The following ANKS1B variants were observed in gnomAD, a reference collection of about 807,000 sequenced individuals.
ANKS1B encodes the protein ankyrin repeat and sterile alpha motif domain-containing protein 1B.
In ANKS1B, 36 loss-of-function variants were observed where a neutral mutation model predicts 148.3. The observed-to-expected ratio is 0.24, with a 90% CI of 0.19 to 0.32. The LOEUF is 0.32. Among genes scored for constraint, ANKS1B ranks in the 10% least tolerant of loss-of-function variants. The pLI is 1.00. For missense variants in ANKS1B, 1,157 were observed against 1,542.6 expected, an observed-to-expected ratio of 0.75 and a Z score of 4.19; for synonymous variants, 542 against 560.8, an observed-to-expected ratio of 0.97 and a Z score of 0.47.
chr12:98,914,380 A>T (rs1375035200), intron 17 of ANKS1B, among the ~76,000 whole-genome samples: 1 of 152,176 alleles, frequency 6.6e-6, no homozygotes, highest in African/African-American at 2.4e-5. Context: ...ACCCAGCCTC[A>T]GGCATTTCTT....
intron 17 of ANKS1B, among the ~76,000 whole-genome samples, chr12:98,886,338 T>C (rs2099740074): frequency 6.6e-6 from 1 of 152,212 alleles, no homozygotes; most frequent in African/African-American, 2.4e-5. Context: ...CTTCTGATAG[T>C]TGAATTACTG....
chr12:99,561,185 A>G lies in ANKS1B; in HGVS notation c.1273-56544T>C, dbSNP rs78025286. 5.2e-3 allele frequency among the ~76,000 whole-genome samples: 786 copies of G among 152,284 alleles called. 34 individuals are homozygous for G. The South Asian group carries it at 0.065, about 13-fold the overall frequency. On this transcript the variant is annotated intron_variant, in intron 9 of 26. Transcript: ENST00000683438. Reference sequence around the variant, plus strand: ...ATAAGACAACAATGAACTTTGCCACATTAATTGAATCTTTCTTTCATGAAC... The same window carrying G: ...ATAAGACAACAATGAACTTTGCCACGTTAATTGAATCTTTCTTTCATGAAC...
At chr12:99,028,429 G>C (rs1450607725) in intron 17 of ANKS1B, among the ~76,000 whole-genome samples, 1 of 152,178 alleles carries the variant, frequency 6.6e-6, no homozygotes, top group Non-Finnish European at 1.5e-5. Flanking sequence ...AAAGGACAGT[G>C]TGTTTTTAAA....
intron 12 of ANKS1B, among the ~76,000 whole-genome samples, chr12:99,274,012 T>G (rs987928757): frequency 1.3e-5 from 2 of 152,180 alleles, no homozygotes; most frequent in Non-Finnish European, 2.9e-5. Context: ...GCAATGCCCT[T>G]AGATTCTCAG....
intron 12 of ANKS1B, among the ~76,000 whole-genome samples, chr12:99,378,698 T>C (rs1593456363): frequency 7.0e-6 from 1 of 143,782 alleles, no homozygotes; most frequent in Non-Finnish European, 1.5e-5. Context: ...AAAGAGACAG[T>C]ACAAAATGAA....
At chr12:99,249,508 C>T (rs1468291379) in intron 12 of ANKS1B, among the ~76,000 whole-genome samples, 1 of 152,144 alleles carries the variant, frequency 6.6e-6, no homozygotes, top group Non-Finnish European at 1.5e-5. Context: ...AATAGCAGTT[C>T]TTAGCATTGT....
chr12:99,017,510 G>C (rs1232185439), intron 17 of ANKS1B, among the ~76,000 whole-genome samples: 2 of 152,046 alleles, frequency 1.3e-5, no homozygotes, highest in African/African-American at 4.8e-5. Context: ...ATGTTTTCCA[G>C]ACTGATCCTA....
At chr12:98,977,793 A>G (rs1157875041) in intron 17 of ANKS1B, among the ~76,000 whole-genome samples, 1 of 152,178 alleles carries the variant, frequency 6.6e-6, no homozygotes, top group Non-Finnish European at 1.5e-5. Context: ...AATAAAATTT[A>G]AATATCTGAA....
At chr12:98,788,262 CAAA>C (rs545240585) in intron 22 of ANKS1B, among the ~76,000 whole-genome samples, 1 of 115,406 alleles carries the variant, frequency 8.7e-6, no homozygotes, top group African/African-American at 3.2e-5. Context: ...AGAAAACAGA[CAAA>C]AAAAAAAAAA....
chr12:99,542,787 G>C (rs1231179598), intron 9 of ANKS1B, among the ~76,000 whole-genome samples: 1 of 152,002 alleles, frequency 6.6e-6, no homozygotes, highest in Non-Finnish European at 1.5e-5. Context: ...CTATCCACAT[G>C]CAAAAGAATG....
intron 9 of ANKS1B, among the ~76,000 whole-genome samples, chr12:99,568,240 C>G (rs1425086965): frequency 6.6e-6 from 1 of 152,110 alleles, no homozygotes; most frequent in Non-Finnish European, 1.5e-5. Flanking sequence ...GACTTGCATT[C>G]CTTGGGCTCA....
chr12:99,329,704 T>C (rs2087134206), intron 12 of ANKS1B, among the ~76,000 whole-genome samples: 1 of 151,896 alleles, frequency 6.6e-6, no homozygotes, highest in South Asian at 2.1e-4. Context: ...ATTTCTTATA[T>C]TATTAATAGC....
chr12:99,950,120 T>C (rs1216402984), intron 1 of ANKS1B, among the ~76,000 whole-genome samples: 1 of 144,400 alleles, frequency 6.9e-6, no homozygotes, highest in African/African-American at 2.6e-5. Context: ...TTAATTTTTT[T>C]TTTTTTTTTT....
chr12:99,059,455 T>C (rs139205170), intron 16 of ANKS1B, among the ~76,000 whole-genome samples: 1 of 152,300 alleles, frequency 6.6e-6, no homozygotes, highest in African/African-American at 2.4e-5. Context: ...AAGGTTATCT[T>C]TTTCTGCCTA....
At chr12:99,364,265 C>T (rs547100814) in intron 12 of ANKS1B, among the ~76,000 whole-genome samples, 1 of 136,830 alleles carries the variant, frequency 7.3e-6, no homozygotes, top group African/African-American at 3.0e-5. Flanking sequence ...AGTAGACAAG[C>T]AGTATATATA....
chr12:98,919,883 T>C (rs1290389765), intron 17 of ANKS1B, among the ~76,000 whole-genome samples: 1 of 152,160 alleles, frequency 6.6e-6, no homozygotes, highest in Non-Finnish European at 1.5e-5. Flanking sequence ...GGCAGGGGGA[T>C]ACTCTCAAGA....
chr12:99,010,045 G>C (rs561771840), intron 17 of ANKS1B, among the ~76,000 whole-genome samples: 2 of 152,214 alleles, frequency 1.3e-5, no homozygotes, highest in South Asian at 4.1e-4. Context: ...AAGAGACGTG[G>C]GAGGATCTCA....
intron 9 of ANKS1B, among the ~76,000 whole-genome samples, chr12:99,573,391 ATTATC>A (rs1189662075): frequency 6.6e-6 from 1 of 152,064 alleles, no homozygotes; most frequent in African/African-American, 2.4e-5. Flanking sequence ...AAAAATTGGT[ATTATC>A]TTAATTGGAT....
At chr12:99,599,543 T>G (rs1397960411) in intron 9 of ANKS1B, among the ~76,000 whole-genome samples, 1 of 152,034 alleles carries the variant, frequency 6.6e-6, no homozygotes, top group East Asian at 1.9e-4. Flanking sequence ...GAGAGATCAG[T>G]AGAAGGCAAG....
Sources: allele counts gnomAD v4.1 joint callset (sites outside exome capture counted in the v4.1 genomes callset), GRCh38; gene constraint gnomAD v4.1.1; transcripts MANE v1.5; gene names NCBI Gene and HGNC (gene_info 2026-07-23, HGNC 2026-07-21).